WDFY4: variants seen among roughly 807,000 people sequenced by gnomAD.
The protein encoded by WDFY4 is WDFY family member 4.
Under a neutral mutation model 351.9 loss-of-function variants are expected in WDFY4, and 169 were observed. The ratio of observed to expected loss-of-function variants is 0.48; its 90% CI spans 0.42 to 0.55. The LOEUF is 0.55. Among genes scored for constraint, WDFY4 ranks in the 20% least tolerant of loss-of-function variants. The probability of loss-of-function intolerance (pLI) is 0.00; values close to 1 mark genes in which losing one functional copy is unlikely to be tolerated. For synonymous variants in WDFY4, 1,622 were observed against 1,574.6 expected (o/e 1.03, Z -0.71); for missense variants, 3,803 against 3,935.6 (o/e 0.97, Z 0.90).
chr10:48,853,166 A>G (rs1235675718), intron 39 of WDFY4, among the ~76,000 whole-genome samples: 2 of 151,866 alleles, frequency 1.3e-5, no homozygotes, highest in African/African-American at 4.8e-5. Context: ...CAGTTTTCTG[A>G]CCTTGTCTGT....
chr10:48,944,942 G>A (rs925920673), intron 49 of WDFY4, among the ~76,000 whole-genome samples: 5 of 152,104 alleles, frequency 3.3e-5, no homozygotes, highest in Non-Finnish European at 5.9e-5. Context: ...GGGTCTCCGT[G>A]TGTCCCCTCC....
rs1205619271 is a variant in WDFY4 at position 48,982,739 on chromosome 10, C to A, written c.*164C>A. ...TCACAGCTCTGCAGCCCAACCCTCT[C>A]CATGGCCGATGGGACTTCTATGAAA... On this transcript the variant is annotated 3_prime_UTR_variant, in exon 62 of 62. Coordinates refer to ENST00000325239, the MANE Select transcript of WDFY4 (RefSeq NM_001394531.1). 8.8e-6 allele frequency: 6 copies of A among 683,524 alleles called. No homozygotes were observed. Among genetic ancestry groups the A allele is most frequent in the Non-Finnish European group, 1.6e-5 (6 of 376,728 alleles). 42.3% of individuals were successfully genotyped at this position (683,524 alleles called of 1,614,324 possible).
intron 47 of WDFY4, chr10:48,911,030 G>A: frequency 5.1e-6 from 2 of 391,390 alleles, no homozygotes; most frequent in Non-Finnish European, 7.0e-6. Context: ...ATCCGGCACT[G>A]TCTGTCTCAA....
Position 48,890,602 on chromosome 10 carries a change from G to C in WDFY4, c.7191G>C (p.Val2397=). ...KEKVTQKFSL[V]IVQGHLVSEG... ...AGGTGACGCAGAAGTTCTCCCTGGT[G>C]ATTGTGCAGGGCCACCTGGTGTCAG... Residue 2397 remains valine, a synonymous_variant, in exon 44 of 62, where the codon GTG becomes GTC. Transcript: ENST00000325239. The C allele has an allele frequency of 6.4e-7, 1 of 1,551,740 alleles. No individual in the cohort carries two copies. The highest frequency in any genetic ancestry group is 8.7e-7 in the Non-Finnish European group (1 of 1,147,012).
At position 48,821,049 on chromosome 10, in the gene WDFY4, G is replaced by C; in HGVS notation, c.5710-13G>C. On this transcript the variant is annotated splice_polypyrimidine_tract_variant and intron_variant, in intron 33 of 61. Coordinates refer to ENST00000325239, the MANE Select transcript of WDFY4 (RefSeq NM_001394531.1). ...CCTGTGGTTGCTGTCTCAGTCCCGG[G>C]CTGTGCTTCCAGGCTTCTCCAGACC... The C allele has an allele frequency of 6.5e-7, 1 of 1,547,496 alleles. No individual in the cohort carries two copies. Among genetic ancestry groups the C allele is most frequent in the Non-Finnish European group, 8.7e-7 (1 of 1,143,200 alleles).
rs1411167149 is a variant in WDFY4 at position 48,966,615 on chromosome 10, C to T, written c.8526C>T (p.His2842=). 6.4e-7 allele frequency: 1 copy of T among 1,551,966 alleles called. No individual in the cohort carries two copies. Among genetic ancestry groups the T allele is most frequent in the African/African-American group, 1.4e-5 (1 of 73,184 alleles). ...DVSTPVSLPG[H]PQPFFYSLQS... is the part of the protein sequence containing the mutation. ...CCACCCCCGTGAGCCTGCCTGGCCA[C>T]CCACAGCCCTTTTTCTACAGCCTGC... Residue 2842 remains histidine (H), a synonymous_variant, in exon 55 of 62, where the codon CAC becomes CAT. Transcript: ENST00000325239.
chr10:48,778,506 C>T, intron 17 of WDFY4, 105 bp from the exon 18 acceptor site: 2 of 1,140,482 alleles, frequency 1.8e-6, no homozygotes, highest in Admixed American at 4.3e-5. Flanking sequence ...GGCAAGACAC[C>T]CAGTAGGTGC....
intron 57 of WDFY4, among the ~76,000 whole-genome samples, chr10:48,970,871 A>G (rs1183712433): frequency 1.3e-5 from 2 of 152,234 alleles, no homozygotes; most frequent in African/African-American, 4.8e-5. Context: ...GCCATGAGCC[A>G]GGAGTCTGAG....
At position 48,946,863 on chromosome 10, in the gene WDFY4, A is replaced by G. The variant is rs1409398059; in HGVS notation, c.7871A>G (p.Asp2624Gly). Residue 2624 changes from aspartate to glycine, a missense_variant, in exon 51 of 62, where the codon GAC (aspartate) becomes GGC (glycine). Transcript: ENST00000325239. ...RFKEVEKTEG[D>G]MTVQCHYYTH... ...CAAGCATGTGTTTTTGTTGCAGGAGACATGACTGTCCAGTGCCACTACTAC... is the reference window on the plus strand; with the variant it reads ...CAAGCATGTGTTTTTGTTGCAGGAGGCATGACTGTCCAGTGCCACTACTAC... 1 of 1,551,544 alleles carries G rather than the reference A, an allele frequency of 6.4e-7. No individual in the cohort carries two copies. Among genetic ancestry groups the G allele is most frequent in the Non-Finnish European group, 8.7e-7 (1 of 1,146,938 alleles).
chr10:48,688,955 A>C (rs892070920), intron 1 of WDFY4, among the ~76,000 whole-genome samples: 2 of 152,200 alleles, frequency 1.3e-5, no homozygotes, highest in African/African-American at 4.8e-5. Context: ...GTGGAAGTAG[A>C]AGCAGAAATA....
chr10:48,777,588 A>C (rs1400841069), intron 17 of WDFY4, 93 bp downstream of exon 17: 32 of 1,268,564 alleles, frequency 2.5e-5, no homozygotes, highest in Non-Finnish European at 3.5e-5. Context: ...TTGGTGTTTC[A>C]ATAAAGTGTG....
In WDFY4 at chr10:48,959,876, G is replaced by A. The variant is rs529393135; in HGVS notation, c.8223+63G>A. 83 of 1,450,124 alleles carry A rather than the reference G, an allele frequency of 5.7e-5. No homozygotes were observed. The South Asian group carries it at 8.9e-4, about 16-fold the overall frequency. The allele number at this position is 1,450,124 out of a possible 1,614,324, so 89.8% of individuals were successfully genotyped here. On this transcript the variant is annotated intron_variant, in intron 53 of 61. Transcript: ENST00000325239. ...CCTGAACATCCCCTCAAGTTCCACC[G>A]AGGCTTTCTGTCCAAGTGGAGGGCC...
chr10:48,871,472 C>CT (rs1564435123), intron 40 of WDFY4, among the ~76,000 whole-genome samples: 7 of 151,332 alleles, frequency 4.6e-5, no homozygotes, highest in Non-Finnish European at 8.8e-5. Flanking sequence ...GTGGCCCCCC[C>CT]CTTTTTTTTT....
At chr10:48,902,276 AATCAGAC>A (rs1436215791) in intron 47 of WDFY4, among the ~76,000 whole-genome samples, 1 of 152,258 alleles carries the variant, frequency 6.6e-6, no homozygotes, top group Non-Finnish European at 1.5e-5. Flanking sequence ...TTGGTGTGCG[AATCAGAC>A]ATTAATTTAG....
At chr10:48,716,904 G>T (rs2063927751) in intron 2 of WDFY4, among the ~76,000 whole-genome samples, 1 of 152,210 alleles carries the variant, frequency 6.6e-6, no homozygotes, top group South Asian at 2.1e-4. Flanking sequence ...AAGGCAAAAG[G>T]ACAGACTTTT....
Position 48,805,255 on chromosome 10 carries a change from A to T in WDFY4, c.4485-5A>T, listed in dbSNP as rs1160325532. 3.2e-6 allele frequency: 5 copies of T among 1,541,960 alleles called. No individual in the cohort carries two copies. The highest frequency in any genetic ancestry group is 4.4e-6 in the Non-Finnish European group (5 of 1,146,866). ...CTTTTACTGTCTCTCTCCTGTACTC[A>T]CCAGGGAAGGACCCAGGAATGCTGA... On this transcript the variant is annotated splice_polypyrimidine_tract_variant and splice_region_variant and intron_variant, in intron 25 of 61. Coordinates refer to ENST00000325239, the MANE Select transcript of WDFY4 (RefSeq NM_001394531.1).
chr10:48,698,685 T>C (rs183938306), intron 1 of WDFY4, among the ~76,000 whole-genome samples: 1 of 152,316 alleles, frequency 6.6e-6, no homozygotes, highest in African/African-American at 2.4e-5. Flanking sequence ...AGGCAAAGTT[T>C]AACGCTGTGC....
intron 2 of WDFY4, 45 bp downstream of exon 2, chr10:48,710,011 G>A (rs1049597145): frequency 4.7e-6 from 7 of 1,484,138 alleles, no homozygotes; most frequent in Middle Eastern, 1.7e-4. Flanking sequence ...AGGCGCTCTG[G>A]GACACTTCTG....
At chr10:48,711,029 A>G (rs534119086) in intron 2 of WDFY4, among the ~76,000 whole-genome samples, 4 of 152,360 alleles carry the variant, frequency 2.6e-5, no homozygotes, top group Admixed American at 2.6e-4. Context: ...AAGCAGAGAG[A>G]ACAAGAGCTA....
Sources: gnomAD v4.1 joint callset for allele counts (sites outside exome capture counted in the v4.1 genomes callset) on GRCh38, gnomAD v4.1.1 for gene constraint, MANE v1.5 for transcripts, NCBI Gene and HGNC (gene_info 2026-07-23, HGNC 2026-07-21) for gene names.